Variants in LRRTM3 observed in about 807,000 individuals in gnomAD.
LRRTM3 encodes the protein leucine rich repeat transmembrane neuronal 3.
LRRTM3 carries 24 observed loss-of-function variants against 44.7 expected under a neutral mutation model. That is an observed-to-expected ratio of 0.54 (90% CI 0.39 to 0.76). The LOEUF is 0.76. LRRTM3 is among the 30% of genes least tolerant of loss of function. LRRTM3 has a pLI of 0.00. For missense variants in LRRTM3, 587 were observed against 702.2 expected (o/e 0.84, Z 1.85); for synonymous variants, 277 against 278.7 (o/e 0.99, Z 0.06).
intron 2 of LRRTM3, among the ~76,000 whole-genome samples, chr10:66,961,830 C>G (rs1221051968): frequency 6.6e-6 from 1 of 152,122 alleles, no homozygotes; most frequent in East Asian, 1.9e-4. Flanking sequence ...TCCACTCCCT[C>G]CCCACTAAAC....
At chr10:67,006,942 T>C (rs1852028714) in intron 2 of LRRTM3, among the ~76,000 whole-genome samples, 1 of 152,072 alleles carries the variant, frequency 6.6e-6, no homozygotes, top group Admixed American at 6.6e-5. Context: ...TACAGTCATG[T>C]GCCACCACGT....
At chr10:66,929,353 G>C (rs985181503) in intron 2 of LRRTM3, among the ~76,000 whole-genome samples, 1 of 152,212 alleles carries the variant, frequency 6.6e-6, no homozygotes, top group Non-Finnish European at 1.5e-5. Context: ...ATGTGGTTGA[G>C]AGCTTACCAG....
At chr10:67,013,286 T>A (rs895408900) in intron 2 of LRRTM3, among the ~76,000 whole-genome samples, 26 of 151,562 alleles carry the variant, frequency 1.7e-4, no homozygotes, top group African/African-American at 6.1e-4. Flanking sequence ...CCATTCAAAA[T>A]TAAAGTTGTA....
intron 2 of LRRTM3, among the ~76,000 whole-genome samples, chr10:67,056,376 G>A (rs1012805708): frequency 5.9e-5 from 9 of 152,054 alleles, no homozygotes; most frequent in African/African-American, 2.2e-4. Context: ...TCCCAATGTA[G>A]GACTGGATTA....
At chr10:67,039,142 T>C (rs1258140465) in intron 2 of LRRTM3, among the ~76,000 whole-genome samples, 1 of 152,084 alleles carries the variant, frequency 6.6e-6, no homozygotes, top group Non-Finnish European at 1.5e-5. Flanking sequence ...GAGATTACTA[T>C]GAAACCATAA....
chr10:66,927,941 G>A lies in LRRTM3; in HGVS notation c.1025G>A (p.Ser342Asn), dbSNP rs1847164181. 1 of 1,614,216 alleles carries A rather than the reference G, an allele frequency of 6.2e-7. No individual in the cohort carries two copies. The change falls in exon 2 of 3, where the codon AGT (serine) becomes AAT (asparagine). Residue 342 changes from serine (S) to asparagine (N), a missense_variant. Ser to Asn is a conservative substitution (Grantham distance 46). Transcript: ENST00000361320. This position sits in a 1 kb window ranked among gnomAD's most constrained non-coding sequence, Gnocchi z 4.7. ...GLRENTIICASPKELQGVNVI... is the reference protein window; with the variant it reads ...GLRENTIICANPKELQGVNVI... ...AGGGAGAATACAATTATCTGTGCCAGTCCCAAAGAGCTGCAAGGAGTAAAT... is the reference window on the plus strand; with the variant it reads ...AGGGAGAATACAATTATCTGTGCCAATCCCAAAGAGCTGCAAGGAGTAAAT...
intron 2 of LRRTM3, among the ~76,000 whole-genome samples, chr10:66,982,972 CGCCCTCG>C (rs1377008191): frequency 6.6e-6 from 1 of 152,108 alleles, no homozygotes; most frequent in East Asian, 1.9e-4. Context: ...GCTCTGAAGG[CGCCCTCG>C]GCTCAGGCAG....
At chr10:67,091,948 G>A (rs1857668692) in intron 2 of LRRTM3, among the ~76,000 whole-genome samples, 1 of 151,936 alleles carries the variant, frequency 6.6e-6, no homozygotes, top group Admixed American at 6.6e-5. Flanking sequence ...AGACTGAAAT[G>A]CCTATTTCTT....
chr10:67,008,546 G>A (rs747664458), intron 2 of LRRTM3, among the ~76,000 whole-genome samples: 2 of 152,080 alleles, frequency 1.3e-5, no homozygotes, highest in Non-Finnish European at 2.9e-5. Flanking sequence ...ATAATTGTGT[G>A]AGTTAGCAAG....
intron 2 of LRRTM3, among the ~76,000 whole-genome samples, chr10:67,062,273 T>G (rs1430129146): frequency 1.3e-5 from 2 of 152,204 alleles, no homozygotes; most frequent in Non-Finnish European, 2.9e-5. Flanking sequence ...TTCTTTATTG[T>G]AACTTATAGC....
intron 2 of LRRTM3, among the ~76,000 whole-genome samples, chr10:66,973,082 T>C (rs12240613): frequency 0.09 from 13,645 of 152,250 alleles, 722 homozygotes; most frequent in African/African-American, 0.15. Context: ...AAATGGTTCT[T>C]TTTTTATTGC....
intron 2 of LRRTM3, among the ~76,000 whole-genome samples, chr10:66,995,145 C>T (rs777962704): frequency 2.2e-4 from 34 of 152,282 alleles, no homozygotes; most frequent in Middle Eastern, 6.8e-3. Context: ...AGAAATAATG[C>T]ACATTCCATA....
intron 2 of LRRTM3, among the ~76,000 whole-genome samples, chr10:66,932,191 T>C (rs528928544): frequency 2.6e-5 from 4 of 152,196 alleles, no homozygotes; most frequent in East Asian, 1.9e-4. Flanking sequence ...TGATGATTCA[T>C]GGATAATGAA....
Position 67,100,966 on chromosome 10 carries a change from T to C in LRRTM3, c.*3170T>C. Among the ~76,000 whole-genome samples, 1 of 151,788 alleles carries C rather than the reference T, an allele frequency of 6.6e-6. No individual in the cohort carries two copies. Among genetic ancestry groups the C allele is most frequent in the Middle Eastern group, 3.4e-3 (1 of 294 alleles). On this transcript the variant is annotated 3_prime_UTR_variant, in exon 3 of 3. Transcript: ENST00000361320. ...AATGGATAGAATGAAAGAATATATA[T>C]CTATATATATTTGACATGTTGTTTA...
At chr10:67,054,449 T>G (rs74141776) in intron 2 of LRRTM3, among the ~76,000 whole-genome samples, 166 of 152,268 alleles carry the variant, frequency 1.1e-3, no homozygotes, top group African/African-American at 3.9e-3. Context: ...TTCTTCAATC[T>G]CTGGCCTAAT....
chr10:67,064,376 T>C (rs1445478244), intron 2 of LRRTM3, among the ~76,000 whole-genome samples: 1 of 152,164 alleles, frequency 6.6e-6, no homozygotes, highest in Non-Finnish European at 1.5e-5. Flanking sequence ...AGCATATTTA[T>C]TGCTAGTACT....
chr10:66,938,141 A>G (rs2132668125), intron 2 of LRRTM3, among the ~76,000 whole-genome samples: 1 of 152,288 alleles, frequency 6.6e-6, no homozygotes, highest in East Asian at 1.9e-4. Flanking sequence ...TATCAACCTT[A>G]TATTTCTTTG....
At chr10:67,063,722 G>T (rs1468346821) in intron 2 of LRRTM3, among the ~76,000 whole-genome samples, 1 of 152,166 alleles carries the variant, frequency 6.6e-6, no homozygotes. Flanking sequence ...CCAAATGAGG[G>T]TTACTTGTAC....
intron 2 of LRRTM3, among the ~76,000 whole-genome samples, chr10:67,035,315 A>G (rs2133124282): frequency 6.6e-6 from 1 of 152,308 alleles, no homozygotes; most frequent in Non-Finnish European, 1.5e-5. Context: ...ACATCATCAT[A>G]TTTACTGTTG....
Sources: allele counts gnomAD v4.1 joint callset (sites outside exome capture counted in the v4.1 genomes callset), GRCh38; gene constraint gnomAD v4.1.1; non-coding constraint Gnocchi (gnomAD v3.1); transcripts MANE v1.5; gene names NCBI Gene and HGNC (gene_info 2026-07-23, HGNC 2026-07-21).